Variants in PRMT1 observed in about 807,000 individuals in gnomAD.
PRMT1 encodes the protein protein arginine N-methyltransferase 1.
Under a neutral mutation model 47.4 loss-of-function variants are expected in PRMT1, and 5 were observed. The observed-to-expected ratio is 0.11, with a 90% CI of 0.06 to 0.22. PRMT1 has a LOEUF of 0.22. Ranked by LOEUF, PRMT1 falls within the 10% of genes least tolerant of loss-of-function variation. PRMT1 has a pLI of 1.00. For synonymous variants in PRMT1, 227 were observed against 204.6 expected, an observed-to-expected ratio of 1.11 and a Z score of -0.94; for missense variants, 249 against 518.4, an observed-to-expected ratio of 0.48 and a Z score of 5.05.
chr19:49,686,097 T>C lies in PRMT1; in HGVS notation c.764T>C (p.Val255Ala). The C allele has an allele frequency of 1.9e-6, 3 of 1,612,686 alleles. No individual in the cohort carries two copies. The highest frequency in any genetic ancestry group is 2.5e-6 in the Non-Finnish European group (3 of 1,179,308). ...LVTNACLIKE[V>A]DIYTVKVEDL... is the part of the protein sequence containing the mutation. Reference sequence around the variant, plus strand: ...TCGCCCTCTCATGTCCTGCAGGAGGTGGACATCTATACCGTCAAGGTGGAA... The same window carrying C: ...TCGCCCTCTCATGTCCTGCAGGAGGCGGACATCTATACCGTCAAGGTGGAA... The change falls in exon 9 of 11, where the codon GTG becomes GCG. Residue 255 changes from valine to alanine, a missense_variant. Physicochemically the swap from Val to Ala is moderately conservative, Grantham distance 64 (BLOSUM62 0). This residue lies in a region of PRMT1 where 190 missense variants were observed against 456.7 expected (regional missense o/e 0.42). Transcript: ENST00000454376.
Position 49,682,256 on chromosome 19 carries a change from C to G in PRMT1, c.409C>G (p.His137Asp), listed in dbSNP as rs1236667855. 25 of 1,612,566 alleles carry G rather than the reference C, an allele frequency of 1.6e-5. No homozygotes were observed. The highest frequency in any genetic ancestry group is 1.9e-5 in the Non-Finnish European group (23 of 1,179,798). ...GATCGTCAAAGCCAACAAGTTAGAC[C>G]ACGGTGAGCCCAGAAAGAGGATGGG... ...VKIVKANKLD[H>D]VVTIIKGKVE... Residue 137 changes from histidine (H) to aspartate (D), a missense_variant, in exon 5 of 11, where the codon CAC becomes GAC. His to Asp is a moderately conservative substitution (Grantham distance 81). Coordinates refer to ENST00000454376, the MANE Select transcript of PRMT1 (RefSeq NM_001536.6).
At chr19:49,682,527 G>C (rs1251946148) in intron 5 of PRMT1, among the ~76,000 whole-genome samples, 1 of 152,224 alleles carries the variant, frequency 6.6e-6, no homozygotes, top group Non-Finnish European at 1.5e-5. Flanking sequence ...CCCACAGTGA[G>C]AAGCCTTCCC....
At position 49,688,336 on chromosome 19, in the gene PRMT1, AG is replaced by A; in HGVS notation, c.*96del. Reference sequence around the variant, plus strand: ...CCTTCCTCTCCCTCCCTCCCGCAGAAGGGGGTTTTAGGGGCCTGGGCTGGGG... The same window carrying A: ...CCTTCCTCTCCCTCCCTCCCGCAGAAGGGGTTTTAGGGGCCTGGGCTGGGG... On this transcript the variant is annotated 3_prime_UTR_variant, in exon 11 of 11. Coordinates refer to ENST00000454376, the MANE Select transcript of PRMT1 (RefSeq NM_001536.6). This position sits in a 1 kb window ranked among gnomAD's most constrained non-coding sequence, Gnocchi z 5.3. 2 of 1,175,730 alleles carry A rather than the reference AG, an allele frequency of 1.7e-6. No homozygotes were observed. The highest frequency in any genetic ancestry group is 2.5e-6 in the Non-Finnish European group (2 of 797,164). 72.8% of individuals were successfully genotyped at this position (1,175,730 alleles called of 1,614,324 possible). A position where few individuals can be genotyped will look rare whatever the true frequency, so the allele number is the denominator to read the frequency against.
At position 49,685,116 on chromosome 19, in the gene PRMT1, T is replaced by C. The variant is rs764990561; in HGVS notation, c.759+79T>C. The C allele has an allele frequency of 7.5e-6, 12 of 1,594,720 alleles. No individual in the cohort carries two copies. The South Asian group carries it at 9.0e-5, about 12-fold the overall frequency. On this transcript the variant is annotated intron_variant, in intron 8 of 10. Transcript: ENST00000454376. The surrounding 1 kb of genome is among the most constrained non-coding windows in gnomAD (Gnocchi z 4.7). ...ATCACCTGGCCCTGGCATGGGACTT[T>C]GGGGCCCAGAATGTTGGCCTGAGGT...
rs1159407431 is a variant in PRMT1 at position 49,684,165 on chromosome 19, G to C, written c.555+96G>C. On this transcript the variant is annotated intron_variant, in intron 6 of 10. Transcript: ENST00000454376. This position sits in a 1 kb window ranked among gnomAD's most constrained non-coding sequence, Gnocchi z 6.2. ...ATTTTTCCCACAGACGGGACTTACT[G>C]TGGGGGCTTAGCTGCAAGGTGTTAG... The C allele has an allele frequency of 6.6e-7, 1 of 1,519,654 alleles. No individual in the cohort carries two copies. Among genetic ancestry groups the C allele is most frequent in the Non-Finnish European group, 9.0e-7 (1 of 1,111,220 alleles). The allele number at this position is 1,519,654 out of a possible 1,614,324, so 94.1% of individuals were successfully genotyped here.
At chr19:49,676,899 T>C (rs533373996), upstream of PRMT1, among the ~76,000 whole-genome samples, 3 of 152,174 alleles carry the variant, frequency 2.0e-5, no homozygotes, top group East Asian at 5.8e-4. Flanking sequence ...GATGGACAGG[T>C]GTTTCAAGAC....
At position 49,688,431 on chromosome 19, in the gene PRMT1, A is replaced by T; in HGVS notation, c.*186A>T. Reference sequence around the variant, plus strand: ...TTTTTATATGGTTGCATTTACGCCAATAAATCCTCAGCTGGGGTCTGGCTT... The same window carrying T: ...TTTTTATATGGTTGCATTTACGCCATTAAATCCTCAGCTGGGGTCTGGCTT... On this transcript the variant is annotated 3_prime_UTR_variant, in exon 11 of 11. Coordinates refer to ENST00000454376, the MANE Select transcript of PRMT1 (RefSeq NM_001536.6). The surrounding 1 kb of genome is among the most constrained non-coding windows in gnomAD (Gnocchi z 5.3). 1 of 621,844 alleles carries T rather than the reference A, an allele frequency of 1.6e-6. No homozygotes were observed. Among genetic ancestry groups the T allele is most frequent in the African/African-American group, 1.8e-5 (1 of 54,510 alleles). 38.5% of individuals were successfully genotyped at this position (621,844 alleles called of 1,614,324 possible).
chr19:49,686,017 G>C, intron 8 of PRMT1, 76 bp from the exon 9 acceptor site: 1 of 1,552,704 alleles, frequency 6.4e-7, no homozygotes, highest in Non-Finnish European at 8.7e-7. Flanking sequence ...CAGGCCCTCT[G>C]GGAGCTTAAG....
At position 49,685,693 on chromosome 19, in the gene PRMT1, G is replaced by A. The variant is rs1599949482; in HGVS notation, c.760-400G>A. ...GACTACAGGGGCAGGGACCCCACTC[G>A]GGCCACCCTCCTGAGAGCCAGGGGA... On this transcript the variant is annotated intron_variant, in intron 8 of 10. Transcript: ENST00000454376. This position sits in a 1 kb window ranked among gnomAD's most constrained non-coding sequence, Gnocchi z 4.7. 2.9e-6 allele frequency: 3 copies of A among 1,038,194 alleles called. No individual in the cohort carries two copies. The highest frequency in any genetic ancestry group is 3.5e-6 in the Non-Finnish European group (3 of 862,622). 64.3% of individuals were successfully genotyped at this position (1,038,194 alleles called of 1,614,324 possible). A position where few individuals can be genotyped will look rare whatever the true frequency, so the allele number is the denominator to read the frequency against.
In PRMT1 at chr19:49,682,076, A is replaced by G. The variant is rs2122966308; in HGVS notation, c.348+11A>G. On this transcript the variant is annotated intron_variant, in intron 4 of 10. Transcript: ENST00000454376. ...CGCAAGGTCATCGGGGTGAGTCTCC[A>G]GGGTGGCCAGGCGGGGCCGGGCCTG... is the stretch of plus-strand genomic sequence containing the variant. The G allele has an allele frequency of 6.2e-7, 1 of 1,613,892 alleles. No individual in the cohort carries two copies. The highest frequency in any genetic ancestry group is 1.7e-4 in the Middle Eastern group (1 of 6,060).
intron 5 of PRMT1, among the ~76,000 whole-genome samples, chr19:49,682,612 T>A: frequency 6.6e-6 from 1 of 152,108 alleles, no homozygotes; most frequent in East Asian, 1.9e-4. Context: ...AACACATACA[T>A]ACGTAAATGC....
chr19:49,679,812 C>T, intron 1 of PRMT1, 60 bp from the exon 2 acceptor site: 5 of 1,422,254 alleles, frequency 3.5e-6, no homozygotes, highest in Non-Finnish European at 4.9e-6. Context: ...GGTTCCGCCA[C>T]CCAGCCCTCC....
chr19:49,681,912 G>A lies in PRMT1; in HGVS notation c.195G>A (p.Glu65=). The change falls in exon 4 of 11, where the codon GAG becomes GAA. Residue 65 remains glutamate, a splice_region_variant and synonymous_variant. Coordinates refer to ENST00000454376, the MANE Select transcript of PRMT1 (RefSeq NM_001536.6). This position sits in a 1 kb window ranked among gnomAD's most constrained non-coding sequence, Gnocchi z 4.4. ...TCTCTGTGCCATTCTTGCCCTAGGA[G>A]ATGCTGAAGGACGAGGTGCGCACCC... The part of the protein sequence containing the change: ...DSYAHFGIHE[E]MLKDEVRTLT... 9 of 1,613,258 alleles carry A rather than the reference G, an allele frequency of 5.6e-6. No homozygotes were observed. The highest frequency in any genetic ancestry group is 2.2e-5 in the East Asian group (1 of 44,864).
At position 49,685,330 on chromosome 19, in the gene PRMT1, T is replaced by A. The variant is rs1157280741; in HGVS notation, c.759+293T>A. ...ACGGAAAGGCAGGACCCCAGGGCGATGAGCGGATGCACATGCACGCGGGCC... is the reference window on the plus strand; with the variant it reads ...ACGGAAAGGCAGGACCCCAGGGCGAAGAGCGGATGCACATGCACGCGGGCC... On this transcript the variant is annotated intron_variant, in intron 8 of 10. Coordinates refer to ENST00000454376, the MANE Select transcript of PRMT1 (RefSeq NM_001536.6). This position sits in a 1 kb window ranked among gnomAD's most constrained non-coding sequence, Gnocchi z 4.7. The A allele has an allele frequency of 7.5e-7, 1 of 1,333,176 alleles. No individual in the cohort carries two copies. Among genetic ancestry groups the A allele is most frequent in the Non-Finnish European group, 9.7e-7 (1 of 1,033,726 alleles). 82.6% of individuals were successfully genotyped at this position (1,333,176 alleles called of 1,614,324 possible). A position where few individuals can be genotyped will look rare whatever the true frequency, so the allele number is the denominator to read the frequency against.
chr19:49,687,051 A>G (rs1001301276), intron 10 of PRMT1, among the ~76,000 whole-genome samples: 3 of 151,744 alleles, frequency 2.0e-5, no homozygotes, highest in African/African-American at 7.3e-5. Flanking sequence ...GTTGGAGGTG[A>G]CCTCTGTCAG....
intron 2 of PRMT1, 29 bp downstream of exon 2, chr19:49,679,954 C>T (rs2082091405): frequency 1.3e-6 from 2 of 1,585,774 alleles, no homozygotes; most frequent in Non-Finnish European, 1.7e-6. Flanking sequence ...GACCCCTCCC[C>T]ACCCTGACCT....
At chr19:49,683,675 A>G (rs571656068) in intron 5 of PRMT1, 4,184 of 399,054 alleles carry the variant, frequency 0.01, 45 homozygotes, top group African/African-American at 0.031. Flanking sequence ...GTGACAGAGC[A>G]AGACTCCGTC....
At position 49,681,045 on chromosome 19, in the gene PRMT1, A is replaced by G. The variant is rs2082111115; in HGVS notation, c.192+457A>G. On this transcript the variant is annotated intron_variant, in intron 3 of 10. Transcript: ENST00000454376. The surrounding 1 kb of genome is among the most constrained non-coding windows in gnomAD (Gnocchi z 4.4). ...TTCATAAAATTGTGGCAAAATATGCATAAAATTGCCATTTTTTATTTTTAG... is the reference window on the plus strand; with the variant it reads ...TTCATAAAATTGTGGCAAAATATGCGTAAAATTGCCATTTTTTATTTTTAG... 6.6e-6 allele frequency among the ~76,000 whole-genome samples: 1 copy of G among 152,244 alleles called. No individual in the cohort carries two copies.
chr19:49,685,372 G>A lies in PRMT1; in HGVS notation c.759+335G>A, dbSNP rs1338218587. 3 of 1,249,120 alleles carry A rather than the reference G, an allele frequency of 2.4e-6. No individual in the cohort carries two copies. The highest frequency in any genetic ancestry group is 3.1e-6 in the Non-Finnish European group (3 of 983,068). The allele number at this position is 1,249,120 out of a possible 1,614,324, so 77.4% of individuals were successfully genotyped here. Reference sequence around the variant, plus strand: ...ACGCGGGCCACTGCAGAAGAGCACGGGGCCAGGCTGGGCTCCGAGATGTGC... The same window carrying A: ...ACGCGGGCCACTGCAGAAGAGCACGAGGCCAGGCTGGGCTCCGAGATGTGC... On this transcript the variant is annotated intron_variant, in intron 8 of 10. Coordinates refer to ENST00000454376, the MANE Select transcript of PRMT1 (RefSeq NM_001536.6). This position sits in a 1 kb window ranked among gnomAD's most constrained non-coding sequence, Gnocchi z 4.7.
Sources: gnomAD v4.1 joint callset for allele counts (sites outside exome capture counted in the v4.1 genomes callset) on GRCh38, gnomAD v4.1.1 for gene constraint, gnomAD v4.1.1 regional missense constraint, Gnocchi (gnomAD v3.1) non-coding constraint, MANE v1.5 for transcripts, NCBI Gene and HGNC (gene_info 2026-07-23, HGNC 2026-07-21) for gene names.